Variants in BIRC6 observed in about 807,000 individuals in gnomAD.
BIRC6 encodes the protein baculoviral IAP repeat containing 6.
A neutral mutation model predicts 503.3 loss-of-function variants in BIRC6; 98 were observed. That is an observed-to-expected ratio of 0.19 (90% confidence interval 0.17 to 0.23). The LOEUF (loss-of-function observed/expected upper bound fraction) is 0.23, where lower values mean the gene tolerates loss of function less well. Among genes scored for constraint, BIRC6 ranks in the 10% least tolerant of loss-of-function variants. The probability of loss-of-function intolerance (pLI) is 1.00; values close to 1 mark genes in which losing one functional copy is unlikely to be tolerated. For synonymous variants in BIRC6, 2,240 were observed against 2,078.7 expected, an observed-to-expected ratio of 1.08 and a Z score of -2.11; for missense variants, 5,360 against 5,806.0, an observed-to-expected ratio of 0.92 and a Z score of 2.50.
intron 32 of BIRC6, among the ~76,000 whole-genome samples, chr2:32,472,679 C>T (rs781118596): frequency 7.9e-5 from 12 of 152,082 alleles, no homozygotes; most frequent in Non-Finnish European, 1.5e-4. Flanking sequence ...GACAGTTATG[C>T]GTTCTGAACT....
chr2:32,571,378 CTTTTTT>C (rs61599835), intron 65 of BIRC6, among the ~76,000 whole-genome samples: 4 of 20,302 alleles, frequency 2.0e-4, no homozygotes, highest in African/African-American at 8.6e-4. Flanking sequence ...TGGTCCTGGG[CTTTTTT>C]TTTTTTTTTT....
rs747529953 is a variant in BIRC6, at chr2:32,525,548, T to C, written c.11840T>C (p.Ile3947Thr). The C allele has an allele frequency of 3.1e-6, 5 of 1,613,922 alleles. No individual in the cohort carries two copies. The South Asian group carries it at 3.3e-5, about 11-fold the overall frequency. ...AGGGGGAGGACAATACCTGATAAAA[T>C]AGGAAGTACTTCAGGAGCAGAGGCT... The part of the protein sequence containing the change: ...SRRGRTIPDK[I>T]GSTSGAEAAN... Residue 3947 changes from isoleucine (I) to threonine (T), a missense_variant, in exon 59 of 74, where the codon ATA (isoleucine) becomes ACA (threonine). By Grantham distance (89) the Ile-to-Thr change is moderately conservative. Coordinates refer to ENST00000421745, the MANE Select transcript of BIRC6 (RefSeq NM_016252.4).
chr2:32,397,602 GTGTA>G (rs930106539), intron 6 of BIRC6, among the ~76,000 whole-genome samples: 8 of 137,288 alleles, frequency 5.8e-5, no homozygotes, highest in African/African-American at 1.1e-4. Context: ...GTGTGTGTGT[GTGTA>G]TATATGTGTG....
At chr2:32,589,957 A>G (rs1337864673) in intron 66 of BIRC6, among the ~76,000 whole-genome samples, 1 of 152,164 alleles carries the variant, frequency 6.6e-6, no homozygotes, top group Non-Finnish European at 1.5e-5. Flanking sequence ...TTCTTTCAAC[A>G]TTCATTTAAA....
At chr2:32,578,979 A>ATATATATATATATATATATATAT (rs1424095222) in intron 66 of BIRC6, among the ~76,000 whole-genome samples, 60 of 74,294 alleles carry the variant, frequency 8.1e-4, no homozygotes, top group African/African-American at 3.4e-3. Context: ...TTATATACCT[A>ATATATATATATATATATATATAT]ATATATATAT....
At chr2:32,413,408 G>A (rs531175988) in intron 9 of BIRC6, among the ~76,000 whole-genome samples, 83 of 151,822 alleles carry the variant, frequency 5.5e-4, no homozygotes, top group Non-Finnish European at 1.0e-3. Flanking sequence ...TCAAACTCCC[G>A]GCCTCAGGTG....
At chr2:32,562,370 A>C (rs1351725605) in intron 65 of BIRC6, among the ~76,000 whole-genome samples, 2 of 152,232 alleles carry the variant, frequency 1.3e-5, no homozygotes, top group African/African-American at 2.4e-5. Flanking sequence ...CCATATATGC[A>C]GTTCCTACTC....
At position 32,608,542 on chromosome 2, in the gene BIRC6, G is replaced by A. The variant is rs2062630589; in HGVS notation, c.14259+899G>A. ...CTATTCTCCTGCCTCAGCCTCCCAA[G>A]TAGCTGGGATTACGGGCATGTGGCA... On this transcript the variant is annotated intron_variant, in intron 72 of 73. Coordinates refer to ENST00000421745, the MANE Select transcript of BIRC6 (RefSeq NM_016252.4). 3.3e-5 allele frequency among the ~76,000 whole-genome samples: 5 copies of A among 152,100 alleles called. 1 individual carries two copies. The South Asian group carries it at 1.0e-3, about 32-fold the overall frequency.
chr2:32,428,203 T>C (rs1000503208), intron 10 of BIRC6, among the ~76,000 whole-genome samples: 3 of 152,236 alleles, frequency 2.0e-5, no homozygotes, highest in African/African-American at 4.8e-5. Flanking sequence ...GATGTAATAA[T>C]GGCTTCGGCT....
At chr2:32,420,433 T>A (rs1194299598) in intron 10 of BIRC6, among the ~76,000 whole-genome samples, 1 of 152,160 alleles carries the variant, frequency 6.6e-6, no homozygotes. Flanking sequence ...TTTTAGTGAG[T>A]TCTGACAGTC....
At chr2:32,444,519 G>A (rs1444046177) in intron 20 of BIRC6, among the ~76,000 whole-genome samples, 15 of 152,074 alleles carry the variant, frequency 9.9e-5, no homozygotes. Flanking sequence ...TACTATGAAG[G>A]GCTACTAACT....
intron 69 of BIRC6, among the ~76,000 whole-genome samples, chr2:32,599,021 CA>C (rs35744882): frequency 3.4e-3 from 95 of 27,820 alleles, no homozygotes; most frequent in East Asian, 0.014. Context: ...AACTCCATCT[CA>C]AAAAAAAAAA....
intron 52 of BIRC6, 26 bp from the exon 53 acceptor site, chr2:32,510,500 T>C: frequency 7.1e-7 from 1 of 1,413,446 alleles, no homozygotes; most frequent in Non-Finnish European, 9.9e-7. Flanking sequence ...TTTAGCAAAC[T>C]TTTTCTTTGG....
Position 32,510,752 on chromosome 2 carries a change from TA to T in BIRC6, c.10346+119del, listed in dbSNP as rs532166633. 1,254 of 686,750 alleles carry T rather than the reference TA, an allele frequency of 1.8e-3. 19 individuals carry two copies. The East Asian group carries it at 0.028, about 15-fold the overall frequency. The allele number at this position is 686,750 out of a possible 1,614,324, so 42.5% of individuals were successfully genotyped here. On this transcript the variant is annotated intron_variant, in intron 53 of 73. Coordinates refer to ENST00000421745, the MANE Select transcript of BIRC6 (RefSeq NM_016252.4). ...TAAAAGACAATACTGTGATATATTG[TA>T]TGTTTACCATATGCCTCACACGATG...
At chr2:32,460,211 T>G (rs1219474035) in intron 23 of BIRC6, among the ~76,000 whole-genome samples, 2 of 125,196 alleles carry the variant, frequency 1.6e-5, no homozygotes, top group East Asian at 2.1e-4. Flanking sequence ...TCATATATGA[T>G]ATATATATAT....
chr2:32,586,344 T>G (rs1166254960), intron 66 of BIRC6, among the ~76,000 whole-genome samples: 1 of 151,766 alleles, frequency 6.6e-6, no homozygotes, highest in Non-Finnish European at 1.5e-5. Context: ...CACTTTATTC[T>G]TTATCAAATG....
intron 73 of BIRC6, among the ~76,000 whole-genome samples, chr2:32,613,738 TA>T (rs928653583): frequency 2.0e-5 from 3 of 152,210 alleles, no homozygotes; most frequent in Admixed American, 6.5e-5. Context: ...AACATTTGTC[TA>T]ATGTTTGTCT....
chr2:32,543,555 A>G lies in BIRC6; in HGVS notation c.12592+14A>G. On this transcript the variant is annotated intron_variant, in intron 62 of 73. Transcript: ENST00000421745. ...ATGGAGAAGGAAGTAAGTGTTTAGT[A>G]TTAAATTTATCAACACATATGTGAA... The G allele has an allele frequency of 1.2e-6, 2 of 1,608,114 alleles. No homozygotes were observed. Among genetic ancestry groups the G allele is most frequent in the South Asian group, 1.1e-5 (1 of 90,864 alleles).
At chr2:32,507,455 C>CA (rs796151434) in intron 50 of BIRC6, among the ~76,000 whole-genome samples, 22 of 150,990 alleles carry the variant, frequency 1.5e-4, no homozygotes, top group African/African-American at 4.6e-4. Flanking sequence ...ACAAAACAAA[C>CA]AAAAAAAAAT....
Sources: gnomAD v4.1 joint callset for allele counts (sites outside exome capture counted in the v4.1 genomes callset) on GRCh38, gnomAD v4.1.1 for gene constraint, MANE v1.5 for transcripts, NCBI Gene and HGNC (gene_info 2026-07-23, HGNC 2026-07-21) for gene names.